Variants in PRMT3 observed in about 807,000 individuals in gnomAD.
PRMT3 encodes the protein protein arginine methyltransferase 3.
A neutral mutation model predicts 71.9 loss-of-function variants in PRMT3; 62 were observed. The ratio of observed to expected loss-of-function variants is 0.86; its 90% CI spans 0.70 to 1.07. PRMT3 has a LOEUF of 1.07. Ranked by LOEUF, PRMT3 falls within the 50% of genes least tolerant of loss-of-function variation. The pLI, the probability that PRMT3 is intolerant of heterozygous loss-of-function variation, is 0.00. For missense variants in PRMT3, 663 were observed against 643.0 expected, an observed-to-expected ratio of 1.03 and a Z score of -0.34; for synonymous variants, 213 against 220.4, an observed-to-expected ratio of 0.97 and a Z score of 0.30.
intron 10 of PRMT3, among the ~76,000 whole-genome samples, chr11:20,427,420 T>C (rs1169793307): frequency 6.6e-6 from 1 of 152,230 alleles, no homozygotes; most frequent in African/African-American, 2.4e-5. Context: ...TATTTTTAAA[T>C]ATATGGAAAT....
intron 15 of PRMT3, among the ~76,000 whole-genome samples, chr11:20,502,869 G>C (rs921393420): frequency 1.3e-5 from 2 of 152,108 alleles, no homozygotes; most frequent in African/African-American, 4.8e-5. Flanking sequence ...AAATGCACCA[G>C]ATTTTTTAGA....
chr11:20,398,012 T>A (rs76732776), intron 7 of PRMT3, among the ~76,000 whole-genome samples: 4 of 121,696 alleles, frequency 3.3e-5, no homozygotes, highest in African/African-American at 9.3e-5. Context: ...TGTCTCTATT[T>A]AAAAAAAAAA....
At chr11:20,400,352 G>T (rs571239501) in intron 7 of PRMT3, among the ~76,000 whole-genome samples, 1 of 152,064 alleles carries the variant, frequency 6.6e-6, no homozygotes, top group South Asian at 2.1e-4. Context: ...TATTTCTTTA[G>T]ATAAGATGAA....
At chr11:20,414,731 T>C (rs1306511875) in intron 9 of PRMT3, among the ~76,000 whole-genome samples, 1 of 152,136 alleles carries the variant, frequency 6.6e-6, no homozygotes. Context: ...CATAATGCAG[T>C]ACACTCAATC....
chr11:20,440,442 G>A (rs1405901306), intron 10 of PRMT3, among the ~76,000 whole-genome samples: 8 of 136,398 alleles, frequency 5.9e-5, no homozygotes, highest in Admixed American at 8.8e-5. Context: ...TCAGGAGATT[G>A]AGACCATCCT....
rs11540509 is a variant in PRMT3, at chr11:20,508,544, G to A, written c.*131G>A. On this transcript the variant is annotated 3_prime_UTR_variant, in exon 16 of 16. Coordinates refer to ENST00000331079, the MANE Select transcript of PRMT3 (RefSeq NM_005788.4). ...TTCCTAATGAGCCTCCTCAATAAGA[G>A]AGAAGTTCTCATTGTGGGAATCTGA... 1 of 725,428 alleles carries A rather than the reference G, an allele frequency of 1.4e-6. No homozygotes were observed. The highest frequency in any genetic ancestry group is 2.5e-6 in the Non-Finnish European group (1 of 395,636). 44.9% of individuals were successfully genotyped at this position (725,428 alleles called of 1,614,324 possible). A position where few individuals can be genotyped will look rare whatever the true frequency, so the allele number is the denominator to read the frequency against.
At chr11:20,432,245 A>G (rs1303846100) in intron 10 of PRMT3, among the ~76,000 whole-genome samples, 2 of 152,134 alleles carry the variant, frequency 1.3e-5, no homozygotes, top group African/African-American at 2.4e-5. Flanking sequence ...AGAACACAAA[A>G]TATTTGTTAA....
intron 12 of PRMT3, among the ~76,000 whole-genome samples, chr11:20,462,487 T>C (rs539746919): frequency 6.6e-6 from 1 of 152,306 alleles, no homozygotes; most frequent in East Asian, 1.9e-4. Context: ...TGCTTCATCA[T>C]CCTCCCCAGC....
At chr11:20,433,005 CTTTTG>C (rs1849686697) in intron 10 of PRMT3, among the ~76,000 whole-genome samples, 3 of 152,004 alleles carry the variant, frequency 2.0e-5, no homozygotes, top group Admixed American at 6.6e-5. Context: ...TCTCTTTACT[CTTTTG>C]TTTTCTTTTC....
At chr11:20,497,692 A>G (rs900584287) in intron 15 of PRMT3, among the ~76,000 whole-genome samples, 1 of 152,202 alleles carries the variant, frequency 6.6e-6, no homozygotes, top group East Asian at 1.9e-4. Context: ...AGATGTGTAT[A>G]TGTAGGATTA....
intron 13 of PRMT3, among the ~76,000 whole-genome samples, chr11:20,479,746 A>G (rs564847827): frequency 1.7e-3 from 257 of 152,306 alleles, no homozygotes; most frequent in Non-Finnish European, 2.6e-3. Context: ...TGAGATAAAG[A>G]TATTTCTGTA....
chr11:20,442,182 A>G (rs969908629), intron 10 of PRMT3, among the ~76,000 whole-genome samples: 6 of 152,150 alleles, frequency 3.9e-5, no homozygotes, highest in African/African-American at 1.4e-4. Context: ...TATAGAATGT[A>G]TCTCATAAGA....
intron 13 of PRMT3, 130 bp from the exon 14 acceptor site, chr11:20,493,789 A>AG (rs1851266655): frequency 3.2e-6 from 2 of 633,826 alleles, no homozygotes; most frequent in Non-Finnish European, 5.3e-6. Context: ...TTCCAGGAAA[A>AG]ATATTGAGTT....
chr11:20,415,505 A>G (rs1565202482), intron 9 of PRMT3, among the ~76,000 whole-genome samples: 1 of 152,164 alleles, frequency 6.6e-6, no homozygotes. Flanking sequence ...CAAAGAGGTC[A>G]CAGGCAGACT....
chr11:20,397,275 A>G (rs1316234029), intron 6 of PRMT3, among the ~76,000 whole-genome samples: 1 of 152,256 alleles, frequency 6.6e-6, no homozygotes, highest in East Asian at 1.9e-4. Context: ...TTTTAAAACA[A>G]TAGAAATAAT....
intron 15 of PRMT3, among the ~76,000 whole-genome samples, chr11:20,500,116 A>G (rs1336638408): frequency 6.6e-6 from 1 of 152,246 alleles, no homozygotes; most frequent in African/African-American, 2.4e-5. Context: ...TGGAGGAGCA[A>G]TGAATGATTG....
intron 13 of PRMT3, among the ~76,000 whole-genome samples, chr11:20,476,998 C>A (rs754167128): frequency 6.6e-6 from 1 of 152,060 alleles, no homozygotes; most frequent in Non-Finnish European, 1.5e-5. Flanking sequence ...AGCTAGCTAG[C>A]GGGAGGGGTC....
At position 20,451,848 on chromosome 11, in the gene PRMT3, T is replaced by C. The variant is rs567189329; in HGVS notation, c.994-282T>C. Among the ~76,000 whole-genome samples, 11 of 152,268 alleles carry C rather than the reference T, an allele frequency of 7.2e-5. No homozygotes were observed. In the East Asian group the frequency reaches 1.7e-3, roughly 24 times the overall value. On this transcript the variant is annotated intron_variant, in intron 10 of 15. Transcript: ENST00000331079. ...CTTGTTAATAATGTCTATCCAAACA[T>C]TTTTTAATGAGGAAGAAAGAGTAGT...
chr11:20,450,745 A>T (rs1474010183), intron 10 of PRMT3, among the ~76,000 whole-genome samples: 1 of 152,146 alleles, frequency 6.6e-6, no homozygotes, highest in Non-Finnish European at 1.5e-5. Flanking sequence ...TTTTCTATAA[A>T]TTAAAATTGC....
Sources: gnomAD v4.1 joint callset for allele counts (sites outside exome capture counted in the v4.1 genomes callset) on GRCh38, gnomAD v4.1.1 for gene constraint, MANE v1.5 for transcripts, NCBI Gene and HGNC (gene_info 2026-07-23, HGNC 2026-07-21) for gene names.